The following RARB variants were observed in gnomAD, a reference collection of about 807,000 sequenced individuals.
RARB encodes the protein HBV-activated protein.
RARB carries 17 observed loss-of-function variants against 51.9 expected under a neutral mutation model. The ratio of observed to expected loss-of-function variants is 0.33; its 90% CI spans 0.22 to 0.49. RARB has a LOEUF of 0.49. Among genes scored for constraint, RARB ranks in the 20% least tolerant of loss-of-function variants. The pLI, the probability that RARB is intolerant of heterozygous loss-of-function variation, is 0.99. For missense variants in RARB, 369 were observed against 550.8 expected (o/e 0.67, Z 3.30); for synonymous variants, 215 against 195.4 (o/e 1.10, Z -0.84).
intron 2 of RARB, among the ~76,000 whole-genome samples, chr3:25,467,947 A>G (rs1018939205): frequency 1.3e-5 from 2 of 152,086 alleles, no homozygotes; most frequent in Non-Finnish European, 2.9e-5. Flanking sequence ...AATAAACAGA[A>G]TGGTCTAATA....
At chr3:25,234,021 G>A (rs866497003) in intron 5 of RARB, among the ~76,000 whole-genome samples, 1 of 151,994 alleles carries the variant, frequency 6.6e-6, no homozygotes, top group African/African-American at 2.4e-5. Context: ...GTGGTCTGCA[G>A]CTCTCTTGTA....
At chr3:25,217,846 C>T (rs1701867337) in intron 5 of RARB, among the ~76,000 whole-genome samples, 1 of 152,090 alleles carries the variant, frequency 6.6e-6, no homozygotes, top group Admixed American at 6.5e-5. Flanking sequence ...TGCACCAAAC[C>T]CTAAAGGCAA....
At chr3:24,954,922 C>T (rs1695975567) in intron 2 of RARB, among the ~76,000 whole-genome samples, 3 of 152,070 alleles carry the variant, frequency 2.0e-5, no homozygotes, top group African/African-American at 7.2e-5. Flanking sequence ...GGGGCTCTGG[C>T]CCGACGACAG....
At chr3:25,061,318 G>A (rs1698544835) in intron 3 of RARB, among the ~76,000 whole-genome samples, 1 of 151,806 alleles carries the variant, frequency 6.6e-6, no homozygotes, top group African/African-American at 2.4e-5. Context: ...GTACTGGGAA[G>A]AAATAAGGAA....
intron 4 of RARB, among the ~76,000 whole-genome samples, chr3:25,167,070 T>C (rs868187046): frequency 1.1e-4 from 17 of 152,320 alleles, no homozygotes; most frequent in Middle Eastern, 3.4e-3. Flanking sequence ...AATTTAGATA[T>C]TGATTTAATC....
At chr3:24,949,482 T>G (rs1159876611) in intron 2 of RARB, among the ~76,000 whole-genome samples, 1 of 152,210 alleles carries the variant, frequency 6.6e-6, no homozygotes, top group African/African-American at 2.4e-5. Context: ...CATAGCAATT[T>G]AAGGTTTGTA....
chr3:25,145,205 G>C, intron 4 of RARB, among the ~76,000 whole-genome samples: 1 of 152,136 alleles, frequency 6.6e-6, no homozygotes. Context: ...CATGGTCTTT[G>C]TTCCTCTGTC....
At chr3:24,902,456 C>T (rs1395632153) in intron 2 of RARB, among the ~76,000 whole-genome samples, 3 of 152,088 alleles carry the variant, frequency 2.0e-5, no homozygotes, top group Non-Finnish European at 2.9e-5. Context: ...AGTTTTCACC[C>T]TCCCAAATCT....
intron 5 of RARB, among the ~76,000 whole-genome samples, chr3:25,275,767 C>T (rs555706666): frequency 7.8e-6 from 1 of 128,138 alleles, no homozygotes; most frequent in East Asian, 2.4e-4. Context: ...ACACACCGGG[C>T]TTGTCGTGGG....
intron 2 of RARB, among the ~76,000 whole-genome samples, chr3:24,989,007 T>C (rs777786694): frequency 6.6e-6 from 1 of 152,002 alleles, no homozygotes. Context: ...TGTATTTTTA[T>C]TAGAGACAGG....
chr3:25,587,442 T>C (rs2125316498), intron 5 of RARB, among the ~76,000 whole-genome samples: 1 of 152,386 alleles, frequency 6.6e-6, no homozygotes. Context: ...TTTTTTGTAT[T>C]GATTACATGT....
chr3:25,155,211 C>T (rs1291676530), intron 4 of RARB, among the ~76,000 whole-genome samples: 1 of 152,090 alleles, frequency 6.6e-6, no homozygotes, highest in African/African-American at 2.4e-5. Flanking sequence ...TTCTTCCATG[C>T]TCTCTGTTCT....
chr3:25,147,732 G>A (rs1358886429), intron 4 of RARB, among the ~76,000 whole-genome samples: 4 of 152,188 alleles, frequency 2.6e-5, no homozygotes, highest in African/African-American at 7.2e-5. Flanking sequence ...TTCTACTGAA[G>A]AAGCTAGAAA....
intron 3 of RARB, among the ~76,000 whole-genome samples, chr3:25,519,023 C>T (rs542882878): frequency 6.6e-6 from 1 of 152,298 alleles, no homozygotes; most frequent in African/African-American, 2.4e-5. Context: ...ACTTCACCTA[C>T]ACAGAGTCAC....
intron 2 of RARB, among the ~76,000 whole-genome samples, chr3:25,481,615 G>T (rs538038050): frequency 6.6e-6 from 1 of 152,208 alleles, no homozygotes; most frequent in Non-Finnish European, 1.5e-5. Context: ...GGCATGGTTT[G>T]TGTGAATGAT....
At chr3:24,946,735 G>A (rs759668433) in intron 2 of RARB, among the ~76,000 whole-genome samples, 2 of 152,006 alleles carry the variant, frequency 1.3e-5, no homozygotes, top group African/African-American at 4.8e-5. Context: ...GCCAGATGTG[G>A]TACACCTGTA....
At chr3:25,204,998 GT>G (rs1701500094) in intron 5 of RARB, among the ~76,000 whole-genome samples, 1 of 152,164 alleles carries the variant, frequency 6.6e-6, no homozygotes, top group Non-Finnish European at 1.5e-5. Context: ...GCTGCCTTTT[GT>G]TTGGGTATGC....
At chr3:24,867,162 C>G (rs766852414) in intron 2 of RARB, among the ~76,000 whole-genome samples, 9 of 152,102 alleles carry the variant, frequency 5.9e-5, no homozygotes, top group Non-Finnish European at 1.2e-4. Context: ...TATGTCTACA[C>G]CTTAGCAGAA....
intron 4 of RARB, among the ~76,000 whole-genome samples, chr3:25,169,936 T>G (rs1416036531): frequency 6.7e-6 from 1 of 148,452 alleles, no homozygotes; most frequent in Non-Finnish European, 1.5e-5. Context: ...TGCAGGGAAC[T>G]GTGATTGTGC....
Sources: gnomAD v4.1 joint callset for allele counts (sites outside exome capture counted in the v4.1 genomes callset) on GRCh38, gnomAD v4.1.1 for gene constraint, MANE v1.5 for transcripts, NCBI Gene and HGNC (gene_info 2026-07-23, HGNC 2026-07-21) for gene names.